Variants in PPFIA2 observed in about 807,000 individuals in gnomAD.
The protein encoded by PPFIA2 is liprin-alpha-2.
PPFIA2 carries 46 observed loss-of-function variants against 175.5 expected under a neutral mutation model. The observed-to-expected ratio is 0.26, with a 90% CI of 0.21 to 0.34. PPFIA2 has a LOEUF of 0.34. Among genes scored for constraint, PPFIA2 ranks in the 10% least tolerant of loss-of-function variants. PPFIA2 has a pLI of 1.00. For synonymous variants in PPFIA2, 568 were observed against 511.4 expected (o/e 1.11, Z -1.49); for missense variants, 1,179 against 1,506.1 (o/e 0.78, Z 3.60).
intron 4 of PPFIA2, among the ~76,000 whole-genome samples, chr12:81,647,500 G>A (rs543251363): frequency 6.6e-6 from 1 of 151,906 alleles, no homozygotes; most frequent in Non-Finnish European, 1.5e-5. Context: ...GGTGGCTCAC[G>A]CCTGTAATCC....
At chr12:81,374,198 T>G (rs1376671627) in intron 11 of PPFIA2, among the ~76,000 whole-genome samples, 2 of 152,094 alleles carry the variant, frequency 1.3e-5, no homozygotes, top group African/African-American at 4.8e-5. Flanking sequence ...CTTTTATAAG[T>G]CTAACTTCCC....
chr12:81,263,444 G>A (rs2036264793), intron 30 of PPFIA2, 54 bp from the exon 31 acceptor site: 2 of 1,485,712 alleles, frequency 1.3e-6, no homozygotes, highest in Non-Finnish European at 1.9e-6. Context: ...TAGTCCATGT[G>A]CTTAAAGCTC....
intron 3 of PPFIA2, among the ~76,000 whole-genome samples, chr12:81,703,381 T>A (rs183668026): frequency 4.3e-4 from 65 of 152,150 alleles, no homozygotes; most frequent in African/African-American, 1.5e-3. Context: ...AAACTGCTAG[T>A]CATCCTTGAT....
At chr12:81,346,115 T>G (rs530946207) in intron 18 of PPFIA2, among the ~76,000 whole-genome samples, 1 of 152,272 alleles carries the variant, frequency 6.6e-6, no homozygotes, top group African/African-American at 2.4e-5. Flanking sequence ...AGCCTCAAAA[T>G]TGTAAGTATG....
rs796184282 is a variant in PPFIA2, at chr12:81,547,495, G to A, written c.304-89629C>T. 2.6e-5 allele frequency among the ~76,000 whole-genome samples: 4 copies of A among 151,952 alleles called. No individual in the cohort carries two copies. In the South Asian group the frequency reaches 6.2e-4, roughly 24 times the overall value. On this transcript the variant is annotated intron_variant, in intron 4 of 32. Coordinates refer to ENST00000549396, the MANE Select transcript of PPFIA2 (RefSeq NM_003625.5). The stretch of plus-strand genomic sequence containing the variant: ...GGTTCAAGCGATTCTCCTGCCTCAG[G>A]TTCCTGAGTAGCTGGGATTACAGGC...
At chr12:81,264,019 C>A (rs1056494884) in intron 30 of PPFIA2, among the ~76,000 whole-genome samples, 1 of 152,064 alleles carries the variant, frequency 6.6e-6, no homozygotes, top group Admixed American at 6.6e-5. Flanking sequence ...TACATGTGGT[C>A]TTTGGGTACC....
intron 4 of PPFIA2, among the ~76,000 whole-genome samples, chr12:81,563,419 C>T (rs570470219): frequency 6.6e-6 from 1 of 152,274 alleles, no homozygotes; most frequent in South Asian, 2.1e-4. Context: ...TCACTGTTTC[C>T]ACTTGCTTTT....
chr12:81,544,714 T>C (rs2066728380), intron 4 of PPFIA2, among the ~76,000 whole-genome samples: 1 of 152,126 alleles, frequency 6.6e-6, no homozygotes, highest in Admixed American at 6.6e-5. Flanking sequence ...TCTTAGGAAC[T>C]GATGAAATAT....
At chr12:81,325,756 G>T (rs878993051) in intron 22 of PPFIA2, 21 bp downstream of exon 22, 2 of 1,548,498 alleles carry the variant, frequency 1.3e-6, no homozygotes, top group African/African-American at 1.4e-5. Flanking sequence ...TAGAAAAAGA[G>T]GGAAAAATCC....
Position 81,727,017 on chromosome 12 carries a change from G to A in PPFIA2, c.249+26956C>T, listed in dbSNP as rs972784251. ...CCAAAGCCAAGGTGGCCAATATGGT[G>A]CAAAAAGGAGAAACAAATCTTTTTT... On this transcript the variant is annotated intron_variant, in intron 3 of 32. Coordinates refer to ENST00000549396, the MANE Select transcript of PPFIA2 (RefSeq NM_003625.5). 2.6e-5 allele frequency among the ~76,000 whole-genome samples: 4 copies of A among 151,302 alleles called. No individual in the cohort carries two copies. The East Asian group carries it at 7.8e-4, about 29-fold the overall frequency.
intron 3 of PPFIA2, among the ~76,000 whole-genome samples, chr12:81,692,510 T>C (rs2075375535): frequency 6.6e-6 from 1 of 152,200 alleles, no homozygotes; most frequent in South Asian, 2.1e-4. Flanking sequence ...GAGTTTTCTA[T>C]GTTCACCATA....
At chr12:81,516,185 T>C (rs977490000) in intron 4 of PPFIA2, among the ~76,000 whole-genome samples, 2 of 152,088 alleles carry the variant, frequency 1.3e-5, no homozygotes, top group East Asian at 3.9e-4. Context: ...TCTTTATGCT[T>C]GTTTAAAGTT....
intron 8 of PPFIA2, among the ~76,000 whole-genome samples, chr12:81,395,892 G>A (rs996569171): frequency 6.6e-6 from 1 of 151,944 alleles, no homozygotes; most frequent in Non-Finnish European, 1.5e-5. Flanking sequence ...CTCCTATGTC[G>A]AGAATATTTA....
At position 81,353,203 on chromosome 12, in the gene PPFIA2, A is replaced by C; in HGVS notation, c.1910T>G (p.Leu637Arg). ...ATCGGAATGACCACTTGGAGAGAGAAGATCCATTGAGCTAAAAATTGTTTC... is the reference window on the plus strand; with the variant it reads ...ATCGGAATGACCACTTGGAGAGAGACGATCCATTGAGCTAAAAATTGTTTC... ...DRETIFSSMD[L>R]LSPSGHSDAQ... Residue 637 changes from leucine to arginine, a missense_variant, in exon 17 of 33, where the codon CTT becomes CGT. Leu to Arg is a moderately radical substitution (Grantham distance 102). Transcript: ENST00000549396. 6.2e-7 allele frequency: 1 copy of C among 1,613,844 alleles called. No homozygotes were observed. The highest frequency in any genetic ancestry group is 8.5e-7 in the Non-Finnish European group (1 of 1,179,818).
chr12:81,556,439 C>CT (rs1358989856), intron 4 of PPFIA2, among the ~76,000 whole-genome samples: 2 of 151,770 alleles, frequency 1.3e-5, no homozygotes, highest in East Asian at 3.9e-4. Context: ...ATGTCTTACC[C>CT]TTTTTTCATG....
intron 28 of PPFIA2, among the ~76,000 whole-genome samples, chr12:81,269,936 G>T (rs2038568123): frequency 1.3e-5 from 2 of 152,072 alleles, no homozygotes; most frequent in South Asian, 4.2e-4. Context: ...GTGGGGGATG[G>T]CAAGGGATAA....
At chr12:81,399,050 A>T (rs2041678182) in intron 8 of PPFIA2, among the ~76,000 whole-genome samples, 1 of 151,984 alleles carries the variant, frequency 6.6e-6, no homozygotes, top group African/African-American at 2.4e-5. Context: ...CAAAGTGAAA[A>T]AATACAATTA....
chr12:81,415,411 A>C (rs1425948822), intron 7 of PPFIA2, among the ~76,000 whole-genome samples: 2 of 148,740 alleles, frequency 1.3e-5, no homozygotes, highest in African/African-American at 2.5e-5. Context: ...AAATTACCTA[A>C]GTGCTAAAAT....
chr12:81,683,444 T>A (rs1410380391), intron 3 of PPFIA2, among the ~76,000 whole-genome samples: 1 of 151,992 alleles, frequency 6.6e-6, no homozygotes, highest in Non-Finnish European at 1.5e-5. Flanking sequence ...AACTATCCAT[T>A]TAAATTTTAA....
Sources: allele counts gnomAD v4.1 joint callset (sites outside exome capture counted in the v4.1 genomes callset), GRCh38; gene constraint gnomAD v4.1.1; transcripts MANE v1.5; gene names NCBI Gene and HGNC (gene_info 2026-07-23, HGNC 2026-07-21).